Variants in ASB3 observed in about 807,000 individuals in gnomAD.
ASB3 encodes ankyrin repeat and SOCS box protein 3.
ASB3 carries 41 observed loss-of-function variants against 54.5 expected under a neutral mutation model. The observed-to-expected ratio is 0.75, with a 90% CI of 0.59 to 0.98. The LOEUF (loss-of-function observed/expected upper bound fraction) is 0.98. Ranked by LOEUF, ASB3 falls within the 50% of genes least tolerant of loss-of-function variation. The probability of loss-of-function intolerance (pLI) is 0.00; values close to 1 mark genes in which losing one functional copy is unlikely to be tolerated. For synonymous variants in ASB3, 266 were observed against 221.2 expected (o/e 1.20, Z -1.80); for missense variants, 733 against 620.0 (o/e 1.18, Z -1.94).
intron 5 of ASB3, among the ~76,000 whole-genome samples, chr2:53,717,928 G>C (rs754280562): frequency 6.6e-6 from 1 of 152,026 alleles, no homozygotes; most frequent in Non-Finnish European, 1.5e-5. Context: ...ACTAGGCCAA[G>C]CAGAAGGAAG....
At position 53,771,917 on chromosome 2, in the gene ASB3, T is replaced by C. The variant is rs775211166; in HGVS notation, c.-13-6332A>G. 3.2e-6 allele frequency: 5 copies of C among 1,566,646 alleles called. No homozygotes were observed. The African/African-American group carries it at 4.1e-5, about 13-fold the overall frequency. On this transcript the variant is annotated intron_variant, in intron 1 of 9. Transcript: ENST00000263634. ...ACCTTTTTAAAACAGCCTGGAAGAG[T>C]TGTGACTCTTGTTGAAGATCCTGCG... is the stretch of plus-strand genomic sequence containing the variant.
intron 5 of ASB3, among the ~76,000 whole-genome samples, chr2:53,717,381 C>G (rs1364480606): frequency 6.6e-6 from 1 of 152,190 alleles, no homozygotes; most frequent in Admixed American, 6.5e-5. Flanking sequence ...TGACTATACT[C>G]TCTATTACAT....
At chr2:53,775,355 G>A (rs939242943) in intron 1 of ASB3, among the ~76,000 whole-genome samples, 3 of 151,952 alleles carry the variant, frequency 2.0e-5, no homozygotes, top group African/African-American at 4.8e-5. Flanking sequence ...GTGTGTGTGT[G>A]TATATACATA....
At chr2:53,773,585 T>G (rs898005247) in intron 1 of ASB3, among the ~76,000 whole-genome samples, 4 of 152,016 alleles carry the variant, frequency 2.6e-5, no homozygotes, top group African/African-American at 4.8e-5. Context: ...TGCCTGCCAC[T>G]GTGCCTGACT....
intron 5 of ASB3, among the ~76,000 whole-genome samples, chr2:53,727,481 T>G (rs936525441): frequency 1.3e-5 from 2 of 151,998 alleles, no homozygotes; most frequent in Non-Finnish European, 2.9e-5. Context: ...AAAAAAGGTT[T>G]TTTAATTAGC....
intron 5 of ASB3, among the ~76,000 whole-genome samples, chr2:53,718,898 G>A (rs967241677): frequency 2.0e-5 from 3 of 152,062 alleles, no homozygotes; most frequent in African/African-American, 7.2e-5. Flanking sequence ...AACAAAAAAG[G>A]TCAGGGGTCA....
chr2:53,750,947 G>T lies in ASB3; in HGVS notation c.197-6C>A. ...AATGTAGTTTTCAGATGAATCTGTG[G>T]AAGAATCAAAGCCCATCAACTAGAA... On this transcript the variant is annotated splice_polypyrimidine_tract_variant and splice_region_variant and intron_variant, in intron 2 of 9. Transcript: ENST00000263634. The T allele has an allele frequency of 6.5e-7, 1 of 1,527,060 alleles. No individual in the cohort carries two copies. The highest frequency in any genetic ancestry group is 1.4e-5 in the South Asian group (1 of 73,016). 94.6% of individuals were successfully genotyped at this position (1,527,060 alleles called of 1,614,324 possible). A position where few individuals can be genotyped will look rare whatever the true frequency, so the allele number is the denominator to read the frequency against.
At chr2:53,784,835 A>G (rs1674847813) in intron 1 of ASB3, among the ~76,000 whole-genome samples, 1 of 152,232 alleles carries the variant, frequency 6.6e-6, no homozygotes, top group African/African-American at 2.4e-5. Context: ...TCTAGGGGAT[A>G]GGACTTAAAC....
At chr2:53,735,671 G>T (rs894771257) in intron 3 of ASB3, among the ~76,000 whole-genome samples, 34 of 151,794 alleles carry the variant, frequency 2.2e-4, no homozygotes, top group African/African-American at 7.7e-4. Context: ...ATACAGATGG[G>T]AATGTAAAGG....
chr2:53,743,997 C>A (rs961341880), intron 3 of ASB3, among the ~76,000 whole-genome samples: 1 of 150,758 alleles, frequency 6.6e-6, no homozygotes, highest in Non-Finnish European at 1.5e-5. Flanking sequence ...AGGCAGAGAT[C>A]GCACCACTGC....
At chr2:53,730,271 A>AACAC (rs375884624) in intron 3 of ASB3, among the ~76,000 whole-genome samples, 7 of 152,130 alleles carry the variant, frequency 4.6e-5, no homozygotes, top group Middle Eastern at 3.4e-3. Context: ...AATAAGTACA[A>AACAC]ACACACACAC....
At position 53,704,600 on chromosome 2, in the gene ASB3, A is replaced by C. The variant is rs541483111; in HGVS notation, c.981-4072T>G. Among the ~76,000 whole-genome samples, 8 of 152,284 alleles carry C rather than the reference A, an allele frequency of 5.3e-5. No individual in the cohort carries two copies. The East Asian group carries it at 1.5e-3, about 29-fold the overall frequency. ...GTTATATGACCCTCTTGACATACCA[A>C]AGCAAAACCTACTGGGAAAATGATC... On this transcript the variant is annotated intron_variant, in intron 7 of 9. Coordinates refer to ENST00000263634, the MANE Select transcript of ASB3 (RefSeq NM_016115.5).
intron 9 of ASB3, among the ~76,000 whole-genome samples, chr2:53,690,267 T>A (rs955178904): frequency 1.3e-5 from 2 of 151,880 alleles, no homozygotes; most frequent in Non-Finnish European, 2.9e-5. Context: ...ATTAATTAAT[T>A]AATTAAATTA....
At chr2:53,716,488 T>C in intron 6 of ASB3, 78 bp downstream of exon 6, 1 of 1,520,886 alleles carries the variant, frequency 6.6e-7, no homozygotes, top group South Asian at 1.3e-5. Flanking sequence ...TGCCTAGAGG[T>C]GAAGGGTCTA....
intron 1 of ASB3, chr2:53,771,802 G>T: frequency 1.4e-6 from 1 of 738,722 alleles, no homozygotes; most frequent in South Asian, 1.6e-5. Flanking sequence ...TGCTTCTTAT[G>T]AGCAAATATA....
At chr2:53,705,979 T>C (rs182951519) in intron 7 of ASB3, among the ~76,000 whole-genome samples, 50 of 152,304 alleles carry the variant, frequency 3.3e-4, no homozygotes, top group African/African-American at 1.1e-3. Flanking sequence ...TATATTGACA[T>C]TGAGACCAAA....
At chr2:53,780,748 A>G (rs1674600256) in intron 1 of ASB3, among the ~76,000 whole-genome samples, 1 of 152,236 alleles carries the variant, frequency 6.6e-6, no homozygotes, top group South Asian at 2.1e-4. Context: ...CCTACACTTC[A>G]GCCTGAACAA....
intron 3 of ASB3, among the ~76,000 whole-genome samples, chr2:53,739,314 AC>A (rs1671807326): frequency 6.6e-6 from 1 of 152,184 alleles, no homozygotes; most frequent in Non-Finnish European, 1.5e-5. Context: ...GAGTACAGTT[AC>A]AAGCAAAGCC....
chr2:53,769,813 G>C (rs1310137506), intron 1 of ASB3, among the ~76,000 whole-genome samples: 1 of 152,128 alleles, frequency 6.6e-6, no homozygotes, highest in East Asian at 1.9e-4. Context: ...CTGCACTCCA[G>C]CCTGAGCAAC....
Sources: gnomAD v4.1 joint callset for allele counts (sites outside exome capture counted in the v4.1 genomes callset) on GRCh38, gnomAD v4.1.1 for gene constraint, MANE v1.5 for transcripts, NCBI Gene and HGNC (gene_info 2026-07-23, HGNC 2026-07-21) for gene names.